The following NEBL variants were observed in gnomAD, a reference collection of about 807,000 sequenced individuals.
The protein encoded by NEBL is LIM and SH3 protein 2.
A neutral mutation model predicts 140.2 loss-of-function variants in NEBL; 122 were observed. The ratio of observed to expected loss-of-function variants is 0.87; its 90% CI spans 0.75 to 1.01. The LOEUF is 1.01. NEBL is among the 50% of genes least tolerant of loss of function. The pLI, the probability that NEBL is intolerant of heterozygous loss-of-function variation, is 0.00. For missense variants in NEBL, 1,365 were observed against 1,231.3 expected, an observed-to-expected ratio of 1.11 and a Z score of -1.62; for synonymous variants, 436 against 398.9, an observed-to-expected ratio of 1.09 and a Z score of -1.11.
intron 1 of NEBL, among the ~76,000 whole-genome samples, chr10:21,264,696 TAAAAAAAAAAAAAAAAAAAAAAA>T (rs71392177): frequency 2.6e-4 from 8 of 30,724 alleles, no homozygotes; most frequent in South Asian, 1.3e-3. Flanking sequence ...AGTTGCTATT[TAAAAAAAAAAAAAAAAAAAAAAA>T]AAAAAAAAAA....
At chr10:21,250,674 G>C (rs111807344) in intron 2 of NEBL, among the ~76,000 whole-genome samples, 1 of 145,686 alleles carries the variant, frequency 6.9e-6, no homozygotes, top group African/African-American at 2.7e-5. Flanking sequence ...ACTTTGGGAG[G>C]CCAAGGCAGG....
At chr10:20,960,160 A>C (rs376496893) in intron 4 of NEBL, among the ~76,000 whole-genome samples, 6 of 152,208 alleles carry the variant, frequency 3.9e-5, no homozygotes, top group East Asian at 3.9e-4. Context: ...GTTCTTTTTG[A>C]AATAAAATTC....
At chr10:21,083,597 GC>G (rs1836486057) in intron 2 of NEBL, among the ~76,000 whole-genome samples, 1 of 152,078 alleles carries the variant, frequency 6.6e-6, no homozygotes, top group Middle Eastern at 3.2e-3. Context: ...ACGCCAGTGT[GC>G]AAAGAGGAGG....
chr10:20,927,195 G>A (rs974939983), intron 4 of NEBL, among the ~76,000 whole-genome samples: 3 of 152,174 alleles, frequency 2.0e-5, no homozygotes, highest in Admixed American at 1.3e-4. Flanking sequence ...AGAATAAAAG[G>A]AATGGACCAT....
chr10:21,139,064 C>T (rs1420301407), intron 2 of NEBL, among the ~76,000 whole-genome samples: 1 of 152,046 alleles, frequency 6.6e-6, no homozygotes, highest in South Asian at 2.1e-4. Flanking sequence ...AATTCAACAA[C>T]AAAAGAGAAC....
chr10:20,853,324 T>A (rs1842726979), intron 9 of NEBL, among the ~76,000 whole-genome samples: 1 of 152,162 alleles, frequency 6.6e-6, no homozygotes, highest in South Asian at 2.1e-4. Context: ...GACACCAAAT[T>A]GAACAGGGAT....
chr10:20,944,240 A>C (rs1217390343), intron 4 of NEBL, among the ~76,000 whole-genome samples: 2 of 152,054 alleles, frequency 1.3e-5, no homozygotes, highest in Non-Finnish European at 2.9e-5. Flanking sequence ...TCTCTACTAT[A>C]AGTACAAAAA....
chr10:21,221,945 T>C (rs1019020880), intron 3 of NEBL, among the ~76,000 whole-genome samples: 1 of 152,040 alleles, frequency 6.6e-6, no homozygotes, highest in Admixed American at 6.6e-5. Context: ...CGTTGAGTGA[T>C]GAAAGATGAG....
chr10:20,923,666 CAAAAAAAAAA>C (rs71390799), intron 4 of NEBL, among the ~76,000 whole-genome samples: 940 of 28,434 alleles, frequency 0.033, 27 homozygotes, highest in South Asian at 0.11. Flanking sequence ...GACTCCGTCT[CAAAAAAAAAA>C]AAAAAAAAAA....
In NEBL at chr10:21,279,546, C is replaced by A. The variant is rs552069899; in HGVS notation, n.182+13284G>T. ...GTTTGGGAGGCCAAGAAGGGCGGAT[C>A]ACTGGAGGTCATGAGTTCGAGACCA... On this transcript the variant is annotated intron_variant and non_coding_transcript_variant, in intron 1 of 8. Transcript: ENST00000675702. Among the ~76,000 whole-genome samples the A allele has an allele frequency of 5.3e-5, 8 of 151,996 alleles. No homozygotes were observed. The South Asian group carries it at 1.0e-3, about 20-fold the overall frequency.
intron 5 of NEBL, among the ~76,000 whole-genome samples, chr10:20,874,336 C>T (rs1845273614): frequency 6.6e-6 from 1 of 152,118 alleles, no homozygotes; most frequent in African/African-American, 2.4e-5. Context: ...CTGCCAGATA[C>T]CCCATCCATT....
intron 3 of NEBL, among the ~76,000 whole-genome samples, chr10:21,189,614 G>A (rs938331865): frequency 9.2e-5 from 14 of 151,886 alleles, no homozygotes; most frequent in Admixed American, 2.6e-4. Flanking sequence ...ACAGGCGCCC[G>A]CCACCGCGCC....
At chr10:21,088,708 C>T (rs922559295) in intron 2 of NEBL, among the ~76,000 whole-genome samples, 1 of 152,210 alleles carries the variant, frequency 6.6e-6, no homozygotes, top group Non-Finnish European at 1.5e-5. Flanking sequence ...ATAGTGACAG[C>T]CATCCTTCCA....
At chr10:21,237,835 G>A (rs922836667) in intron 3 of NEBL, among the ~76,000 whole-genome samples, 9 of 152,094 alleles carry the variant, frequency 5.9e-5, no homozygotes, top group African/African-American at 2.2e-4. Flanking sequence ...TCGAACTCCT[G>A]ACCTCAGGTG....
chr10:21,064,710 C>T (rs901661365), intron 2 of NEBL, among the ~76,000 whole-genome samples: 1 of 151,944 alleles, frequency 6.6e-6, no homozygotes, highest in African/African-American at 2.4e-5. Flanking sequence ...CAAAATGAAA[C>T]AATTAACTGT....
At chr10:21,175,086 A>G (rs1841268500), upstream of NEBL, 1 of 152,220 alleles carries the variant, frequency 6.6e-6, no homozygotes, top group Admixed American at 6.5e-5. Context: ...AACCAAAGGG[A>G]ACAGGAATCG....
At chr10:20,843,506 C>T (rs1564374485) in intron 12 of NEBL, among the ~76,000 whole-genome samples, 1 of 151,708 alleles carries the variant, frequency 6.6e-6, no homozygotes, top group African/African-American at 2.4e-5. Context: ...ATAGACTTCA[C>T]ATTGCCATTT....
rs576147443 is a variant in NEBL at position 21,143,841 on chromosome 10, G to C, written c.164+28542C>G. On this transcript the variant is annotated intron_variant, in intron 2 of 6. Coordinates refer to the NEBL transcript ENST00000417816. ...TTAGCCCCATCAAAAAACATCACAA[G>C]CCAGATCAGGATAAGACAAGAAAAG... Among the ~76,000 whole-genome samples, 20 of 149,434 alleles carry C rather than the reference G, an allele frequency of 1.3e-4. No homozygotes were observed. The East Asian group carries it at 3.9e-3, about 29-fold the overall frequency.
intron 26 of NEBL, among the ~76,000 whole-genome samples, chr10:20,805,031 G>C (rs934255471): frequency 1.3e-5 from 2 of 152,156 alleles, no homozygotes; most frequent in Non-Finnish European, 2.9e-5. Flanking sequence ...AGCAACAATG[G>C]AGGTAGGGCC....
Sources: gnomAD v4.1 joint callset for allele counts (sites outside exome capture counted in the v4.1 genomes callset) on GRCh38, gnomAD v4.1.1 for gene constraint, MANE v1.5 for transcripts, NCBI Gene and HGNC (gene_info 2026-07-23, HGNC 2026-07-21) for gene names.